The following SHISA9 variants were observed in gnomAD, a reference collection of about 807,000 sequenced individuals.
The protein encoded by SHISA9 is shisa family member 9.
In SHISA9, 13 loss-of-function variants were observed where a neutral mutation model predicts 38.0. That is an observed-to-expected ratio of 0.34 (90% CI 0.22 to 0.54). SHISA9 has a LOEUF of 0.54. SHISA9 is among the 20% of genes least tolerant of loss of function. The pLI, the probability that SHISA9 is intolerant of heterozygous loss-of-function variation, is 0.91. For synonymous variants in SHISA9, 275 were observed against 242.0 expected, an observed-to-expected ratio of 1.14 and a Z score of -1.27; for missense variants, 538 against 575.8, an observed-to-expected ratio of 0.93 and a Z score of 0.67.
chr16:13,170,529 G>A (rs1199767949), intron 2 of SHISA9, among the ~76,000 whole-genome samples: 1 of 152,192 alleles, frequency 6.6e-6, no homozygotes, highest in African/African-American at 2.4e-5. Flanking sequence ...AATAGCTAAT[G>A]GACACTGGGC....
intron 2 of SHISA9, among the ~76,000 whole-genome samples, chr16:13,071,777 A>G (rs1274543269): frequency 6.6e-6 from 1 of 151,312 alleles, no homozygotes; most frequent in African/African-American, 2.4e-5. Flanking sequence ...AGCTGGGACT[A>G]CAGGCATGCA....
chr16:13,116,932 C>T (rs761276814), intron 2 of SHISA9, among the ~76,000 whole-genome samples: 2 of 152,144 alleles, frequency 1.3e-5, no homozygotes, highest in African/African-American at 2.4e-5. Flanking sequence ...GCCAGCAATA[C>T]GTCCCAGTGG....
chr16:13,274,413 A>G, the SHISA9 span, among the ~76,000 whole-genome samples: 1 of 152,194 alleles, frequency 6.6e-6, no homozygotes, highest in Admixed American at 6.5e-5. Context: ...TATTGCTAAT[A>G]CAACTCTTGA....
chr16:13,345,459 A>G, the SHISA9 span, among the ~76,000 whole-genome samples: 1 of 152,168 alleles, frequency 6.6e-6, no homozygotes, highest in African/African-American at 2.4e-5. Context: ...ATTGCTACAC[A>G]GTATTCCATG....
chr16:13,275,032 G>A, the SHISA9 span, among the ~76,000 whole-genome samples: 51 of 152,096 alleles, frequency 3.4e-4, no homozygotes, highest in African/African-American at 1.2e-3. Context: ...TGATGACAAG[G>A]TATGAGGTCA....
chr16:12,946,856 T>C (rs2071694798), intron 2 of SHISA9, among the ~76,000 whole-genome samples: 1 of 152,248 alleles, frequency 6.6e-6, no homozygotes, highest in Non-Finnish European at 1.5e-5. Context: ...CTACAGCCCA[T>C]GGGGGAATTC....
the SHISA9 span, among the ~76,000 whole-genome samples, chr16:13,400,378 A>T: frequency 7.9e-5 from 12 of 152,028 alleles, no homozygotes; most frequent in Non-Finnish European, 1.8e-4. Flanking sequence ...ACACACACAC[A>T]CACACATATT....
At chr16:13,521,243 T>G in the SHISA9 span, among the ~76,000 whole-genome samples, 5 of 152,222 alleles carry the variant, frequency 3.3e-5, no homozygotes, top group Non-Finnish European at 7.3e-5. Flanking sequence ...TCTTCTCCCT[T>G]GAATCTTCTT....
the SHISA9 span, among the ~76,000 whole-genome samples, chr16:13,294,043 A>G: frequency 6.6e-6 from 1 of 152,208 alleles, no homozygotes; most frequent in Non-Finnish European, 1.5e-5. Context: ...AGCAAGCTAC[A>G]CAAGCAAGCC....
At chr16:13,035,476 T>A (rs1470038033) in intron 2 of SHISA9, among the ~76,000 whole-genome samples, 1 of 152,192 alleles carries the variant, frequency 6.6e-6, no homozygotes, top group Non-Finnish European at 1.5e-5. Flanking sequence ...TAAAGGGGAC[T>A]TTCTTGTGAA....
chr16:13,502,720 C>A, the SHISA9 span, among the ~76,000 whole-genome samples: 2 of 151,862 alleles, frequency 1.3e-5, no homozygotes, highest in Non-Finnish European at 2.9e-5. Flanking sequence ...ACTAAAAATA[C>A]AAAACAATTA....
chr16:12,980,867 C>G (rs969823433), intron 2 of SHISA9, among the ~76,000 whole-genome samples: 1 of 151,824 alleles, frequency 6.6e-6, no homozygotes, highest in African/African-American at 2.4e-5. Flanking sequence ...TTTATTTCAA[C>G]CATTATATTT....
At chr16:12,989,219 G>GT (rs1481554056) in intron 2 of SHISA9, among the ~76,000 whole-genome samples, 2 of 150,032 alleles carry the variant, frequency 1.3e-5, no homozygotes, top group South Asian at 2.1e-4. Context: ...CTGTTTTTTT[G>GT]TTTTTTGTGT....
chr16:13,232,007 A>C (rs2051336030), intron 4 of SHISA9, among the ~76,000 whole-genome samples: 1 of 152,240 alleles, frequency 6.6e-6, no homozygotes, highest in African/African-American at 2.4e-5. Flanking sequence ...GAAAGGATCT[A>C]ATGAGAAAAG....
the SHISA9 span, among the ~76,000 whole-genome samples, chr16:13,503,987 G>C: frequency 6.6e-6 from 1 of 152,098 alleles, no homozygotes; most frequent in Non-Finnish European, 1.5e-5. Context: ...CCCCTCAGGT[G>C]GCATATATTC....
At chr16:12,972,288 G>A (rs929315322) in intron 2 of SHISA9, among the ~76,000 whole-genome samples, 1 of 152,130 alleles carries the variant, frequency 6.6e-6, no homozygotes, top group African/African-American at 2.4e-5. Flanking sequence ...CAGAAGAGCA[G>A]AATGAAAGAG....
chr16:13,355,606 C>T, the SHISA9 span, among the ~76,000 whole-genome samples: 1 of 152,198 alleles, frequency 6.6e-6, no homozygotes, highest in Admixed American at 6.5e-5. Context: ...TCTAAGTTGG[C>T]ACCAGAGTTG....
intron 2 of SHISA9, among the ~76,000 whole-genome samples, chr16:12,972,505 C>T (rs929405442): frequency 8.5e-5 from 13 of 152,102 alleles, no homozygotes; most frequent in African/African-American, 3.1e-4. Flanking sequence ...CTTTTAGACT[C>T]CAGCAAGGAG....
chr16:13,423,049 C>G, the SHISA9 span, among the ~76,000 whole-genome samples: 1 of 152,206 alleles, frequency 6.6e-6, no homozygotes, highest in Non-Finnish European at 1.5e-5. Context: ...AATTTAGTGT[C>G]TCTAAGAATC....
Sources: allele counts gnomAD v4.1 joint callset (sites outside exome capture counted in the v4.1 genomes callset), GRCh38; gene constraint gnomAD v4.1.1; transcripts MANE v1.5; gene names NCBI Gene and HGNC (gene_info 2026-07-23, HGNC 2026-07-21).